ACER3: variants seen among roughly 807,000 people sequenced by gnomAD.
ACER3 encodes the protein alkCDase 3.
ACER3 carries 16 observed loss-of-function variants against 48.9 expected under a neutral mutation model. The ratio of observed to expected loss-of-function variants is 0.33; its 90% confidence interval spans 0.22 to 0.50. The LOEUF is 0.50. ACER3 is among the 20% of genes least tolerant of loss of function. The pLI is 0.98. For missense variants in ACER3, 227 were observed against 326.0 expected (o/e 0.70, Z 2.34); for synonymous variants, 109 against 107.8 (o/e 1.01, Z -0.07).
At chr11:76,867,182 G>A (rs1348636530) in intron 1 of ACER3, among the ~76,000 whole-genome samples, 1 of 152,136 alleles carries the variant, frequency 6.6e-6, no homozygotes, top group African/African-American at 2.4e-5. Flanking sequence ...CAAAGTAGCT[G>A]AGAGGGCCAG....
At chr11:76,896,906 G>A (rs549582241) in intron 1 of ACER3, among the ~76,000 whole-genome samples, 3 of 151,592 alleles carry the variant, frequency 2.0e-5, no homozygotes, top group Non-Finnish European at 2.9e-5. Flanking sequence ...ACAGATATAT[G>A]TAGTTGTTGA....
chr11:76,998,969 A>T, intron 7 of ACER3, 148 bp downstream of exon 7: 2 of 550,512 alleles, frequency 3.6e-6, no homozygotes, highest in Non-Finnish European at 2.9e-6. Flanking sequence ...TTGTTATATT[A>T]TAAGGAATAC....
At chr11:76,910,836 T>G (rs187340113) in intron 1 of ACER3, among the ~76,000 whole-genome samples, 1 of 152,336 alleles carries the variant, frequency 6.6e-6, no homozygotes, top group Admixed American at 6.5e-5. Flanking sequence ...TTGGTTGTAC[T>G]GTGTAATGCA....
rs1462864419 is a variant in ACER3 at position 76,934,202 on chromosome 11, G to C, written c.214+7535G>C. 4.6e-5 allele frequency among the ~76,000 whole-genome samples: 7 copies of C among 151,890 alleles called. No homozygotes were observed. The South Asian group carries it at 8.3e-4, about 18-fold the overall frequency. On this transcript the variant is annotated intron_variant, in intron 2 of 10. Transcript: ENST00000532485. ...GGGCAGAGACGCTCCTCACTTTCCA[G>C]ACTGGGCAGCCAGGCAGAGGGGCTC...
At chr11:76,917,859 CAAAAAA>C (rs5792749) in intron 1 of ACER3, among the ~76,000 whole-genome samples, 1 of 113,024 alleles carries the variant, frequency 8.8e-6, no homozygotes. Context: ...GACCCTGTCT[CAAAAAA>C]AAAAAAAAAA....
At chr11:76,907,968 G>T (rs951104605) in intron 1 of ACER3, among the ~76,000 whole-genome samples, 1 of 152,218 alleles carries the variant, frequency 6.6e-6, no homozygotes, top group African/African-American at 2.4e-5. Context: ...GGGCACAGTG[G>T]CTGACGCCTG....
chr11:76,887,261 T>A (rs572299929), intron 1 of ACER3, among the ~76,000 whole-genome samples: 7 of 152,168 alleles, frequency 4.6e-5, no homozygotes, highest in African/African-American at 1.7e-4. Flanking sequence ...TCTCCAAATA[T>A]ATGTGTATGT....
At chr11:76,922,931 C>G (rs144819027) in intron 1 of ACER3, among the ~76,000 whole-genome samples, 1 of 152,064 alleles carries the variant, frequency 6.6e-6, no homozygotes, top group Non-Finnish European at 1.5e-5. Context: ...CTTTCAGGGT[C>G]TAGCTCAAAT....
chr11:76,985,816 G>T, intron 5 of ACER3, 92 bp downstream of exon 5: 1 of 663,396 alleles, frequency 1.5e-6, no homozygotes, highest in Non-Finnish European at 2.4e-6. Context: ...GCTTCATGCT[G>T]TCAAACTGAA....
chr11:77,015,642 G>T (rs1247263201), intron 8 of ACER3, among the ~76,000 whole-genome samples: 1 of 152,112 alleles, frequency 6.6e-6, no homozygotes, highest in Non-Finnish European at 1.5e-5. Context: ...AAATGAGCAT[G>T]CTGAACAGGT....
chr11:76,968,002 G>T (rs1948184706), intron 3 of ACER3, among the ~76,000 whole-genome samples: 1 of 152,264 alleles, frequency 6.6e-6, no homozygotes, highest in African/African-American at 2.4e-5. Flanking sequence ...AAGTCAAATT[G>T]TCCCTGTTTG....
At chr11:77,019,603 T>G in intron 9 of ACER3, 128 bp from the exon 10 acceptor site, 2 of 782,550 alleles carry the variant, frequency 2.6e-6, no homozygotes, top group Non-Finnish European at 4.3e-6. Flanking sequence ...GCTGAACAAA[T>G]GAAGCATATA....
chr11:76,889,419 T>C (rs994034478), intron 1 of ACER3, among the ~76,000 whole-genome samples: 3 of 152,236 alleles, frequency 2.0e-5, no homozygotes, highest in Non-Finnish European at 4.4e-5. Flanking sequence ...TCACATTGCT[T>C]AATAGCTATT....
At chr11:76,990,451 G>C in intron 5 of ACER3, 88 bp from the exon 6 acceptor site, 1 of 934,590 alleles carries the variant, frequency 1.1e-6, no homozygotes, top group Non-Finnish European at 1.8e-6. Flanking sequence ...AAGCAGGAGA[G>C]GTTTGGGATT....
intron 1 of ACER3, among the ~76,000 whole-genome samples, chr11:76,900,496 G>A (rs754266768): frequency 2.0e-5 from 3 of 152,148 alleles, no homozygotes; most frequent in Non-Finnish European, 2.9e-5. Flanking sequence ...GGTCTATGTC[G>A]TAAAAGGAGT....
chr11:76,933,270 ATTTTTATTTTTTTTATT>A (rs1284906960), intron 2 of ACER3, among the ~76,000 whole-genome samples: 4 of 142,238 alleles, frequency 2.8e-5, no homozygotes, highest in South Asian at 2.2e-4. Context: ...CATACTTATA[ATTTTTATTTTTTTTATT>A]TTTTTATTTT....
chr11:76,927,122 T>A (rs1946850029), intron 2 of ACER3, among the ~76,000 whole-genome samples: 1 of 152,248 alleles, frequency 6.6e-6, no homozygotes, highest in Non-Finnish European at 1.5e-5. Flanking sequence ...TTCATGTTTA[T>A]ACTATGTATG....
At chr11:76,916,701 C>T (rs561411555) in intron 1 of ACER3, among the ~76,000 whole-genome samples, 2 of 152,270 alleles carry the variant, frequency 1.3e-5, no homozygotes, top group South Asian at 2.1e-4. Flanking sequence ...AATAATGCCT[C>T]TTCATTACTG....
At chr11:76,898,679 C>T (rs1945996153) in intron 1 of ACER3, among the ~76,000 whole-genome samples, 1 of 151,326 alleles carries the variant, frequency 6.6e-6, no homozygotes, top group African/African-American at 2.4e-5. Context: ...CCGAGGCGGG[C>T]GGATGACGAG....
Sources: gnomAD v4.1 joint callset for allele counts (sites outside exome capture counted in the v4.1 genomes callset) on GRCh38, gnomAD v4.1.1 for gene constraint, MANE v1.5 for transcripts, NCBI Gene and HGNC (gene_info 2026-07-23, HGNC 2026-07-21) for gene names.